HMGCS2: variants seen among roughly 807,000 people sequenced by gnomAD.
HMGCS2 encodes the protein hydroxymethylglutaryl-CoA synthase, mitochondrial.
A neutral mutation model predicts 57.4 loss-of-function variants in HMGCS2; 50 were observed. The ratio of observed to expected loss-of-function variants is 0.87; its 90% CI spans 0.69 to 1.10. The LOEUF (loss-of-function observed/expected upper bound fraction) is 1.10, where lower values mean the gene tolerates loss of function less well. HMGCS2 is among the 50% of genes least tolerant of loss of function. HMGCS2 has a pLI of 0.00. For synonymous variants in HMGCS2, 254 were observed against 245.1 expected, an observed-to-expected ratio of 1.04 and a Z score of -0.34; for missense variants, 627 against 636.5, an observed-to-expected ratio of 0.99 and a Z score of 0.16.
intron 4 of HMGCS2, 71 bp downstream of exon 4, chr1:119,759,047 C>T (rs1010381183): frequency 7.0e-7 from 1 of 1,435,862 alleles, no homozygotes; most frequent in Non-Finnish European, 9.8e-7. Context: ...AAGACCATCT[C>T]ATGGCCTTTG....
At chr1:119,765,570 T>C (rs1189898156) in intron 1 of HMGCS2, among the ~76,000 whole-genome samples, 1 of 152,226 alleles carries the variant, frequency 6.6e-6, no homozygotes, top group Non-Finnish European at 1.5e-5. Flanking sequence ...GTTGTAATCT[T>C]ACTTAAATTA....
At chr1:119,754,881 T>C (rs926370899) in intron 6 of HMGCS2, among the ~76,000 whole-genome samples, 2 of 152,314 alleles carry the variant, frequency 1.3e-5, no homozygotes, top group Non-Finnish European at 2.9e-5. Flanking sequence ...ATCTTGCCCA[T>C]CCCTTGACAT....
chr1:119,756,822 T>G (rs1379738363), intron 5 of HMGCS2, among the ~76,000 whole-genome samples: 2 of 152,208 alleles, frequency 1.3e-5, no homozygotes, highest in African/African-American at 4.8e-5. Flanking sequence ...GATCATTTGC[T>G]TCTGTGTGTT....
Position 119,754,177 on chromosome 1 carries a change from C to T in HMGCS2, c.1188-791G>A, listed in dbSNP as rs373505138. 2.2e-4 allele frequency among the ~76,000 whole-genome samples: 34 copies of T among 152,112 alleles called. 1 individual carries two copies. Among genetic ancestry groups the T allele is most frequent in the African/African-American group, 7.7e-4 (32 of 41,490 alleles). On this transcript the variant is annotated intron_variant, in intron 6 of 9. Coordinates refer to ENST00000369406, the MANE Select transcript of HMGCS2 (RefSeq NM_005518.4). The stretch of plus-strand genomic sequence containing the variant: ...GTTCAAGCAATTCTCATGCCTCAGC[C>T]TCTCGAGTTGCTGGGACTACAGGCA...
Position 119,755,617 on chromosome 1 carries a change from A to G in HMGCS2, c.1017-20T>C, listed in dbSNP as rs1652811696. Reference sequence around the variant, plus strand: ...AGCCCCCTGTGAGGTAGCCAGAGGTAGCCATGTGAGAGGCCAGGGGACGGG... The same window carrying G: ...AGCCCCCTGTGAGGTAGCCAGAGGTGGCCATGTGAGAGGCCAGGGGACGGG... On this transcript the variant is annotated intron_variant, in intron 5 of 9. Coordinates refer to ENST00000369406, the MANE Select transcript of HMGCS2 (RefSeq NM_005518.4). 6.2e-7 allele frequency: 1 copy of G among 1,613,826 alleles called. No homozygotes were observed. Among genetic ancestry groups the G allele is most frequent in the South Asian group, 1.1e-5 (1 of 91,074 alleles).
Position 119,755,536 on chromosome 1 carries a change from A to C in HMGCS2, c.1078T>G (p.Ser360Ala), listed in dbSNP as rs1286992834. The change falls in exon 6 of 10, where the codon TCT becomes GCT. Residue 360 changes from serine to alanine, a missense_variant. By Grantham distance (99) the Ser-to-Ala change is moderately conservative. Transcript: ENST00000369406. ...GTTTTCTTGTCGAACATGTCCTGAG[A>C]GGCCTTTAGAAGTGCTTTATCCAGG... is the stretch of plus-strand genomic sequence containing the variant. ...KDLDKALLKA[S>A]QDMFDKKTKA... The C allele has an allele frequency of 6.2e-7, 1 of 1,614,064 alleles. No individual in the cohort carries two copies. The highest frequency in any genetic ancestry group is 1.7e-5 in the Admixed American group (1 of 60,012).
intron 5 of HMGCS2, 106 bp downstream of exon 5, chr1:119,757,167 C>A (rs1196317328): frequency 2.5e-6 from 4 of 1,577,268 alleles, no homozygotes; most frequent in Admixed American, 1.7e-5. Context: ...GGAGGATTGC[C>A]ATTTGTCCCC....
chr1:119,749,209 T>A (rs978687293), intron 9 of HMGCS2, among the ~76,000 whole-genome samples: 2 of 152,092 alleles, frequency 1.3e-5, no homozygotes, highest in African/African-American at 4.8e-5. Flanking sequence ...ATAATCAACA[T>A]GAGAAAAGGT....
At chr1:119,752,822 A>G (rs1652708136) in intron 7 of HMGCS2, 148 bp from the exon 8 acceptor site, 2 of 888,136 alleles carry the variant, frequency 2.3e-6, no homozygotes, top group South Asian at 2.8e-5. Flanking sequence ...AAGAAATGAT[A>G]AGCAAGCATA....
intron 6 of HMGCS2, among the ~76,000 whole-genome samples, chr1:119,754,905 T>C (rs1368721240): frequency 2.0e-5 from 3 of 152,216 alleles, no homozygotes; most frequent in African/African-American, 7.2e-5. Context: ...GTACTTCACT[T>C]TGGAGACCAC....
intron 8 of HMGCS2, among the ~76,000 whole-genome samples, chr1:119,752,325 A>G (rs955447992): frequency 2.0e-5 from 3 of 152,154 alleles, no homozygotes; most frequent in Non-Finnish European, 4.4e-5. Flanking sequence ...GCTATATTCT[A>G]TACTGGGAAG....
intron 2 of HMGCS2, among the ~76,000 whole-genome samples, chr1:119,761,440 C>A (rs1266453102): frequency 6.6e-6 from 1 of 151,970 alleles, no homozygotes; most frequent in South Asian, 2.1e-4. Flanking sequence ...CAACAAAAAT[C>A]AATTTATCTT....
chr1:119,753,390 T>A lies in HMGCS2; in HGVS notation c.1188-4A>T, dbSNP rs1303031671. The A allele has an allele frequency of 1.3e-6, 2 of 1,533,094 alleles. No homozygotes were observed. The highest frequency in any genetic ancestry group is 1.8e-6 in the Non-Finnish European group (2 of 1,107,984). 95.0% of individuals were successfully genotyped at this position (1,533,094 alleles called of 1,614,324 possible). ...AGCCAGTTCTTGGGCAGAGTGGCTG[T>A]GGGGAAAGAAATCAAATAAAACACA... is the stretch of plus-strand genomic sequence containing the variant. On this transcript the variant is annotated splice_region_variant and splice_polypyrimidine_tract_variant and intron_variant, in intron 6 of 9. Transcript: ENST00000369406.
Position 119,759,130 on chromosome 1 carries a change from G to C in HMGCS2, c.838C>G (p.Gln280Glu), listed in dbSNP as rs1299801129. Residue 280 changes from glutamine (Q) to glutamate (E), a missense_variant, in exon 4 of 10, where the codon CAG becomes GAG. Transcript: ENST00000369406. ...CTGAATCTCATACCTTGCTTCCACT[G>C]ATTCTGGATTTTTTTACGGTATGAT... is the stretch of plus-strand genomic sequence containing the variant. ...YTSYRKKIQN[Q>E]WKQAGSDRPF... 7 of 1,614,202 alleles carry C rather than the reference G, an allele frequency of 4.3e-6. No homozygotes were observed. Among genetic ancestry groups the C allele is most frequent in the Non-Finnish European group, 5.9e-6 (7 of 1,180,018 alleles).
chr1:119,766,626 A>T (rs922116463), intron 1 of HMGCS2, among the ~76,000 whole-genome samples: 1 of 152,190 alleles, frequency 6.6e-6, no homozygotes, highest in African/African-American at 2.4e-5. Flanking sequence ...ACTCTCAAAT[A>T]TTTACGGAGG....
rs865947488 is a variant in HMGCS2, at chr1:119,757,402, T to G, written c.887A>C (p.Gln296Pro). 18 of 1,614,040 alleles carry G rather than the reference T, an allele frequency of 1.1e-5. No individual in the cohort carries two copies. In the East Asian group the frequency reaches 3.6e-4, roughly 32 times the overall value. ...AAAGGGTGTATGAAAGATCATGTAC[T>G]GTAAATCGTCAAGGGTGAAGGGTCG... Reference protein sequence around the residue: ...SDRPFTLDDLQYMIFHTPFCK... With the variant: ...SDRPFTLDDLPYMIFHTPFCK... Residue 296 changes from glutamine (Q) to proline (P), a missense_variant, in exon 5 of 10, where the codon CAG (glutamine) becomes CCG (proline). Transcript: ENST00000369406.
intron 7 of HMGCS2, 60 bp from the exon 8 acceptor site, chr1:119,752,734 C>A: frequency 6.2e-7 from 1 of 1,600,096 alleles, no homozygotes; most frequent in South Asian, 1.1e-5. Flanking sequence ...TATTGCCAAT[C>A]ACGAGTTCAA....
chr1:119,761,471 A>C (rs1653036660), intron 2 of HMGCS2, among the ~76,000 whole-genome samples: 2 of 152,134 alleles, frequency 1.3e-5, no homozygotes, highest in African/African-American at 4.8e-5. Flanking sequence ...AGTTTCATTA[A>C]AAAGGCAAGC....
Position 119,755,518 on chromosome 1 carries a change from T to G in HMGCS2, c.1096A>C (p.Lys366Gln). 3 of 1,614,116 alleles carry G rather than the reference T, an allele frequency of 1.9e-6. No individual in the cohort carries two copies. Among genetic ancestry groups the G allele is most frequent in the South Asian group, 1.1e-5 (1 of 91,084 alleles). Residue 366 changes from lysine to glutamine, a missense_variant, in exon 6 of 10, where the codon AAG becomes CAG. Transcript: ENST00000369406. ...LLKASQDMFD[K>Q]KTKASLYLST... is the part of the protein sequence containing the mutation. Reference sequence around the variant, plus strand: ...AGGTAAAGGGAAGCCTTGGTTTTCTTGTCGAACATGTCCTGAGAGGCCTTT... The same window carrying G: ...AGGTAAAGGGAAGCCTTGGTTTTCTGGTCGAACATGTCCTGAGAGGCCTTT...
Sources: allele counts gnomAD v4.1 joint callset (sites outside exome capture counted in the v4.1 genomes callset), GRCh38; gene constraint gnomAD v4.1.1; transcripts MANE v1.5; gene names NCBI Gene and HGNC (gene_info 2026-07-23, HGNC 2026-07-21).